Variants in RERE observed in about 807,000 individuals in gnomAD.
RERE encodes arginine-glutamic acid dipeptide repeats.
RERE carries 40 observed loss-of-function variants against 146.1 expected under a neutral mutation model. That is an observed-to-expected ratio of 0.27 (90% CI 0.21 to 0.36). The LOEUF is 0.36. Among genes scored for constraint, RERE ranks in the 10% least tolerant of loss-of-function variants. RERE has a pLI of 1.00. For synonymous variants in RERE, 1,003 were observed against 866.0 expected (o/e 1.16, Z -2.78); for missense variants, 1,933 against 2,138.7 (o/e 0.90, Z 1.90).
intron 11 of RERE, chr1:8,425,017 T>C (rs982053964): frequency 2.0e-5 from 3 of 152,360 alleles, no homozygotes; most frequent in African/African-American, 7.2e-5. Context: ...TTCCTAATTG[T>C]AGGCTGGCAG....
At chr1:8,759,378 G>C (rs1333677542) in intron 1 of RERE, among the ~76,000 whole-genome samples, 2 of 152,140 alleles carry the variant, frequency 1.3e-5, no homozygotes, top group Admixed American at 1.3e-4. Flanking sequence ...AAAGAAAAAG[G>C]CCAGAAGCAC....
At chr1:8,689,049 T>C (rs1023313871) in intron 1 of RERE, among the ~76,000 whole-genome samples, 1 of 152,184 alleles carries the variant, frequency 6.6e-6, no homozygotes, top group African/African-American at 2.4e-5. Flanking sequence ...AAAGCTTTTT[T>C]AAAAATCTAT....
chr1:8,672,293 C>T (rs1638736720), intron 1 of RERE, among the ~76,000 whole-genome samples: 1 of 152,076 alleles, frequency 6.6e-6, no homozygotes, highest in African/African-American at 2.4e-5. Context: ...CCCACCTTTA[C>T]CTCCAGAGTA....
intron 7 of RERE, among the ~76,000 whole-genome samples, chr1:8,530,282 AC>A (rs752198003): frequency 1.3e-5 from 2 of 152,208 alleles, no homozygotes; most frequent in African/African-American, 2.4e-5. Flanking sequence ...AGAGAAGAAT[AC>A]ACAATTCAAA....
chr1:8,591,013 T>C (rs1440303685), intron 4 of RERE, among the ~76,000 whole-genome samples: 2 of 152,220 alleles, frequency 1.3e-5, no homozygotes, highest in Non-Finnish European at 2.9e-5. Context: ...GTTACTTGGC[T>C]ATATCAGATG....
chr1:8,443,568 G>A (rs1375874276), intron 11 of RERE, among the ~76,000 whole-genome samples: 3 of 151,866 alleles, frequency 2.0e-5, no homozygotes, highest in Non-Finnish European at 2.9e-5. Context: ...AGGGAGCCAA[G>A]CGCTGATATC....
At chr1:8,481,919 T>C (rs1485903862) in intron 10 of RERE, among the ~76,000 whole-genome samples, 1 of 152,208 alleles carries the variant, frequency 6.6e-6, no homozygotes, top group Non-Finnish European at 1.5e-5. Context: ...CTGGGTCACC[T>C]TATGTTGGTC....
chr1:8,679,576 T>C (rs1638918384), intron 1 of RERE, among the ~76,000 whole-genome samples: 1 of 152,184 alleles, frequency 6.6e-6, no homozygotes, highest in Non-Finnish European at 1.5e-5. Flanking sequence ...AGACAGGCTA[T>C]ATGTAATGAC....
intron 4 of RERE, among the ~76,000 whole-genome samples, chr1:8,583,009 A>G (rs532827708): frequency 1.3e-5 from 2 of 152,200 alleles, no homozygotes; most frequent in Non-Finnish European, 2.9e-5. Context: ...GCAAAGGATA[A>G]AACGATTCCT....
intron 1 of RERE, among the ~76,000 whole-genome samples, chr1:8,759,684 C>T (rs1353555386): frequency 6.6e-6 from 1 of 152,148 alleles, no homozygotes; most frequent in East Asian, 1.9e-4. Flanking sequence ...TTGTGTGAAA[C>T]TGTACACCCA....
intron 4 of RERE, among the ~76,000 whole-genome samples, chr1:8,594,246 G>A (rs11121204): frequency 0.62 from 94,471 of 151,994 alleles, 29,762 homozygotes; most frequent in East Asian, 0.84. Context: ...GTATAGACCC[G>A]CAAACAAAAG....
intron 6 of RERE, among the ~76,000 whole-genome samples, chr1:8,551,602 A>G (rs1645936769): frequency 6.6e-6 from 1 of 152,100 alleles, no homozygotes; most frequent in African/African-American, 2.4e-5. Flanking sequence ...CTTTTCTTCC[A>G]CTTATACTTT....
rs974717281 is a variant in RERE at position 8,364,322 on chromosome 1, AG to A, written c.1541-68del. The A allele has an allele frequency of 5.5e-6, 8 of 1,454,596 alleles. No homozygotes were observed. The highest frequency in any genetic ancestry group is 7.7e-6 in the Non-Finnish European group (8 of 1,039,114). The allele number at this position is 1,454,596 out of a possible 1,614,324, so 90.1% of individuals were successfully genotyped here. A position where few individuals can be genotyped will look rare whatever the true frequency, so the allele number is the denominator to read the frequency against. ...CCTCTCCCTGGGGATGTCTGGGCAGAGGGGCCCTTCTGTGGGCTCTACCCAA... is the reference window on the plus strand; with the variant it reads ...CCTCTCCCTGGGGATGTCTGGGCAGAGGGCCCTTCTGTGGGCTCTACCCAA... On this transcript the variant is annotated intron_variant, in intron 14 of 22. Coordinates refer to ENST00000400908, the MANE Select transcript of RERE (RefSeq NM_001042681.2). This position sits in a 1 kb window ranked among gnomAD's most constrained non-coding sequence, Gnocchi z 5.1.
chr1:8,566,150 G>A (rs998193544), intron 4 of RERE, among the ~76,000 whole-genome samples: 4 of 152,058 alleles, frequency 2.6e-5, no homozygotes, highest in East Asian at 1.9e-4. Flanking sequence ...TTAGTGTAGC[G>A]CTGGAACTGA....
chr1:8,777,474 C>T lies in RERE; in HGVS notation c.-145+39686G>A, dbSNP rs188073763. 3.3e-5 allele frequency among the ~76,000 whole-genome samples: 5 copies of T among 149,858 alleles called. No individual in the cohort carries two copies. In the South Asian group the frequency reaches 1.1e-3, roughly 31 times the overall value. Reference sequence around the variant, plus strand: ...AAGAGAATGAACATTATATTTTCTACATGAAATTAAAAGAAGACAGTAGTT... The same window carrying T: ...AAGAGAATGAACATTATATTTTCTATATGAAATTAAAAGAAGACAGTAGTT... On this transcript the variant is annotated intron_variant, in intron 1 of 22. Coordinates refer to ENST00000400908, the MANE Select transcript of RERE (RefSeq NM_001042681.2).
intron 5 of RERE, among the ~76,000 whole-genome samples, chr1:8,557,002 G>A (rs1429306805): frequency 1.3e-5 from 2 of 150,924 alleles, no homozygotes; most frequent in East Asian, 1.9e-4. Context: ...TAATTTACAC[G>A]CTTTAACAGA....
At chr1:8,524,611 T>C (rs545123998) in intron 7 of RERE, among the ~76,000 whole-genome samples, 1 of 152,314 alleles carries the variant, frequency 6.6e-6, no homozygotes, top group African/African-American at 2.4e-5. Flanking sequence ...TAGGTGGCAT[T>C]CAAATTTTTT....
intron 11 of RERE, among the ~76,000 whole-genome samples, chr1:8,429,601 C>T (rs370646617): frequency 1.3e-5 from 2 of 152,168 alleles, no homozygotes; most frequent in Non-Finnish European, 2.9e-5. Flanking sequence ...TGCATTAACC[C>T]CTGGCTGAGA....
chr1:8,685,801 T>C lies in RERE; in HGVS notation c.-144-29360A>G, dbSNP rs548445856. Reference sequence around the variant, plus strand: ...ATAAAACTCAGCTGGCTGAAGAAGTTAAAAATAAAACTCCACAATGATATG... The same window carrying C: ...ATAAAACTCAGCTGGCTGAAGAAGTCAAAAATAAAACTCCACAATGATATG... On this transcript the variant is annotated intron_variant, in intron 1 of 22. Transcript: ENST00000400908. 7.2e-5 allele frequency among the ~76,000 whole-genome samples: 11 copies of C among 152,232 alleles called. No individual in the cohort carries two copies. In the South Asian group the frequency reaches 2.3e-3, roughly 32 times the overall value.
Sources: allele counts gnomAD v4.1 joint callset (sites outside exome capture counted in the v4.1 genomes callset), GRCh38; gene constraint gnomAD v4.1.1; non-coding constraint Gnocchi (gnomAD v3.1); transcripts MANE v1.5; gene names NCBI Gene and HGNC (gene_info 2026-07-23, HGNC 2026-07-21).